Variants in UTY observed in about 807,000 individuals in gnomAD.
The protein encoded by UTY is ubiquitously transcribed tetratricopeptide repeat containing, Y-linked.
In UTY, 12 loss-of-function variants were observed where a neutral mutation model predicts 32.5. That is an observed-to-expected ratio of 0.37 (90% confidence interval 0.24 to 0.60). The LOEUF is 0.60. Among genes scored for constraint, UTY ranks in the 20% least tolerant of loss-of-function variants. The probability of loss-of-function intolerance (pLI) is 0.69; values close to 1 mark genes in which losing one functional copy is unlikely to be tolerated. For missense variants in UTY, 303 were observed against 299.2 expected (o/e 1.01, Z -0.09); for synonymous variants, 131 against 103.4 (o/e 1.27, Z -1.62).
At position 13,306,221 on chromosome Y, in the gene UTY, T is replaced by C; in HGVS notation, c.3306A>G (p.Lys1102=). The C allele has an allele frequency of 2.5e-6, 1 of 396,936 alleles. No individual in the cohort carries two copies. The highest frequency in any genetic ancestry group is 3.5e-6 in the Non-Finnish European group (1 of 282,062). Residue 1102 remains lysine (K), a synonymous_variant, in exon 22 of 30, where the codon AAA becomes AAG. Transcript: ENST00000545955. ...REENEKRTQH[K]DHSDNESTSS... ...ATGTGGATTCGTTATCTGAATGATCTTTGTGTTGTGTTCTTTTCTCATTTT... is the reference window on the plus strand; with the variant it reads ...ATGTGGATTCGTTATCTGAATGATCCTTGTGTTGTGTTCTTTTCTCATTTT...
At chrY:13,322,722 T>C in intron 21 of UTY, among the ~76,000 whole-genome samples, 4 of 34,238 alleles carry the variant, frequency 1.2e-4, no homozygotes, top group African/African-American at 4.5e-4. Context: ...CTAACAATTC[T>C]GTTTCTCCTC....
chrY:13,453,805 T>A, intron 3 of UTY, among the ~76,000 whole-genome samples: 1 of 32,989 alleles, frequency 3.0e-5, no homozygotes, highest in African/African-American at 1.2e-4. Context: ...AAACTGGAAG[T>A]CTCCTCCTTC....
At chrY:13,419,349 C>A in intron 4 of UTY, among the ~76,000 whole-genome samples, 1 of 33,271 alleles carries the variant, frequency 3.0e-5, no homozygotes, top group Non-Finnish European at 7.4e-5. Flanking sequence ...GACTGTTAAT[C>A]CAAACCAAAC....
At position 13,355,030 on chromosome Y, in the gene UTY, C is replaced by T; in HGVS notation, c.2034G>A (p.Trp678Ter). The part of the protein sequence containing the change: ...TDLNSSTEEP[W>*]RKQLSNSAQG... ...GAGCGGAGTTAGATAGCTGTTTTCT[C>T]CATGGCTCTTCTGTGCTGCTGTTCA... is the stretch of plus-strand genomic sequence containing the variant. Residue 678 changes from tryptophan to a stop codon, truncating the protein, a stop_gained, in exon 17 of 30, where the codon TGG (tryptophan) becomes TGA (stop). Transcript: ENST00000545955. LOFTEE classifies it high-confidence loss of function. 2.5e-6 allele frequency: 1 copy of T among 398,747 alleles called. No homozygotes were observed.
At chrY:13,306,141 T>C (rs747027975) in intron 22 of UTY, 29 bp from the exon 23 acceptor site, 1 of 394,309 alleles carries the variant, frequency 2.5e-6, no homozygotes, top group East Asian at 9.2e-5. Context: ...ATGAAATCCA[T>C]GTATTTTAGA....
At chrY:13,381,230 G>C in intron 8 of UTY, among the ~76,000 whole-genome samples, 1 of 34,405 alleles carries the variant, frequency 2.9e-5, no homozygotes, top group South Asian at 6.2e-4. Flanking sequence ...ACTTCTATTA[G>C]TGCACAATTA....
chrY:13,464,588 A>G (rs2077719433), intron 3 of UTY, among the ~76,000 whole-genome samples: 2 of 31,860 alleles, frequency 6.3e-5, no homozygotes, highest in Non-Finnish European at 1.5e-4. Context: ...CTTGGCCAAC[A>G]TGGTGAGACC....
intron 6 of UTY, among the ~76,000 whole-genome samples, chrY:13,407,821 A>C: frequency 6.0e-5 from 2 of 33,272 alleles, no homozygotes; most frequent in Non-Finnish European, 1.5e-4. Context: ...ATGTATAAAC[A>C]AAAGAGAGAC....
chrY:13,447,815 A>G (rs2076043673), intron 4 of UTY, among the ~76,000 whole-genome samples: 1 of 33,450 alleles, frequency 3.0e-5, no homozygotes, highest in Non-Finnish European at 7.4e-5. Flanking sequence ...GAGACTAAGA[A>G]CTGTTTTGCA....
intron 8 of UTY, among the ~76,000 whole-genome samples, chrY:13,378,782 AT>A (rs2065681126): frequency 6.7e-5 from 2 of 30,033 alleles, no homozygotes; most frequent in Non-Finnish European, 1.6e-4. Context: ...TCAAAAAAAA[AT>A]TTTTTTTTTC....
chrY:13,350,167 A>C, intron 17 of UTY, among the ~76,000 whole-genome samples: 4 of 34,072 alleles, frequency 1.2e-4, no homozygotes, highest in African/African-American at 4.6e-4. Context: ...CTTTGTTATA[A>C]ATCACCTAGT....
chrY:13,306,014 T>C (rs2058660771), intron 23 of UTY, 24 bp downstream of exon 23: 1 of 385,009 alleles, frequency 2.6e-6, no homozygotes, highest in Non-Finnish European at 3.7e-6. Flanking sequence ...TTCATGGAAA[T>C]AGCACTAGGG....
In UTY at chrY:13,324,594, A is replaced by G; in HGVS notation, c.3070+7T>C. On this transcript the variant is annotated splice_region_variant and intron_variant, in intron 20 of 29. Transcript: ENST00000545955. Reference sequence around the variant, plus strand: ...AAATATATATTCAATCTTGGTTTTAAGCTTACCTAATTTAAGAGCTCCAGC... The same window carrying G: ...AAATATATATTCAATCTTGGTTTTAGGCTTACCTAATTTAAGAGCTCCAGC... The G allele has an allele frequency of 2.6e-6, 1 of 391,891 alleles. No homozygotes were observed.
chrY:13,373,625 C>T (rs868673846), intron 8 of UTY, among the ~76,000 whole-genome samples: 4 of 32,662 alleles, frequency 1.2e-4, no homozygotes, highest in South Asian at 6.8e-4. Flanking sequence ...CATGGTGGCA[C>T]GTGCCTATAG....
At chrY:13,379,985 GTA>G (rs2065864604) in intron 8 of UTY, among the ~76,000 whole-genome samples, 15 of 7,362 alleles carry the variant, frequency 2.0e-3, no homozygotes, top group African/African-American at 3.6e-3. Flanking sequence ...TATACATCTA[GTA>G]TATATATATA....
At chrY:13,440,903 T>C (rs2075113721) in intron 4 of UTY, among the ~76,000 whole-genome samples, 3 of 33,761 alleles carry the variant, frequency 8.9e-5, no homozygotes, top group Non-Finnish European at 2.2e-4. Flanking sequence ...CATACTGGAT[T>C]AGTGATACTC....
intron 18 of UTY, among the ~76,000 whole-genome samples, chrY:13,332,740 AG>A (rs2060776386): frequency 3.0e-5 from 1 of 33,195 alleles, no homozygotes; most frequent in Non-Finnish European, 7.4e-5. Flanking sequence ...AGTTGTGGCC[AG>A]GGGAATCAGG....
intron 8 of UTY, among the ~76,000 whole-genome samples, chrY:13,381,533 G>GA (rs2066151733): frequency 3.0e-5 from 1 of 32,982 alleles, no homozygotes; most frequent in Non-Finnish European, 7.5e-5. Context: ...TTGGGTGGGG[G>GA]AAAAAAAAGA....
At chrY:13,368,654 G>C (rs2064551530) in intron 9 of UTY, among the ~76,000 whole-genome samples, 1 of 31,940 alleles carries the variant, frequency 3.1e-5, no homozygotes, top group Non-Finnish European at 7.6e-5. Flanking sequence ...GCTGGGACCT[G>C]GCCAGCACTA....
Sources: allele counts gnomAD v4.1 joint callset (sites outside exome capture counted in the v4.1 genomes callset), GRCh38; gene constraint gnomAD v4.1.1; transcripts MANE v1.5; gene names NCBI Gene and HGNC (gene_info 2026-07-23, HGNC 2026-07-21).